KCNQ1: variants seen among roughly 807,000 people sequenced by gnomAD.
The protein encoded by KCNQ1 is potassium voltage-gated channel subfamily KQT member 1.
In KCNQ1, 49 loss-of-function variants were observed where a neutral mutation model predicts 72.4. The observed-to-expected ratio is 0.68, with a 90% CI of 0.54 to 0.86. KCNQ1 has a LOEUF of 0.86. Among genes scored for constraint, KCNQ1 ranks in the 40% least tolerant of loss-of-function variants. KCNQ1 has a pLI of 0.00. For synonymous variants in KCNQ1, 450 were observed against 412.6 expected (o/e 1.09, Z -1.10); for missense variants, 790 against 945.1 (o/e 0.84, Z 2.15).
In KCNQ1 at chr11:2,687,898, G is replaced by A. The variant is rs1442890425; in HGVS notation, c.1514+25817G>A. ...GGGGTGTCCCGCGGAAATCCTGGTGGGATGGAAAATCCCCAGCAGTTGTGA... is the reference window on the plus strand; with the variant it reads ...GGGGTGTCCCGCGGAAATCCTGGTGAGATGGAAAATCCCCAGCAGTTGTGA... On this transcript the variant is annotated intron_variant, in intron 11 of 15. Coordinates refer to ENST00000155840, the MANE Select transcript of KCNQ1 (RefSeq NM_000218.3). The surrounding 1 kb of genome is among the most constrained non-coding windows in gnomAD (Gnocchi z 5.0). 3 of 398,590 alleles carry A rather than the reference G, an allele frequency of 7.5e-6. No individual in the cohort carries two copies. Among genetic ancestry groups the A allele is most frequent in the South Asian group, 1.3e-4 (1 of 7,864 alleles). 24.7% of individuals were successfully genotyped at this position (398,590 alleles called of 1,614,324 possible). A position where few individuals can be genotyped will look rare whatever the true frequency, so the allele number is the denominator to read the frequency against.
chr11:2,581,782 G>A (rs893210402), intron 6 of KCNQ1, among the ~76,000 whole-genome samples: 5 of 152,256 alleles, frequency 3.3e-5, no homozygotes, highest in African/African-American at 9.6e-5. Flanking sequence ...CATGGGGCAC[G>A]CTTGTGAGTG....
rs1035182829 is a variant in KCNQ1 at position 2,526,119 on chromosome 11, G to T, written c.387-1809G>T. On this transcript the variant is annotated intron_variant, in intron 1 of 15. Coordinates refer to ENST00000155840, the MANE Select transcript of KCNQ1 (RefSeq NM_000218.3). This position sits in a 1 kb window ranked among gnomAD's most constrained non-coding sequence, Gnocchi z 6.1. ...CGGGCCCTGAGGTGGGCCGGGCTGG[G>T]CACAGTCAGGACTGGCAACAAGGGC... Among the ~76,000 whole-genome samples, 1 of 152,174 alleles carries T rather than the reference G, an allele frequency of 6.6e-6. No homozygotes were observed. Among genetic ancestry groups the T allele is most frequent in the Non-Finnish European group, 1.5e-5 (1 of 68,028 alleles).
At position 2,784,492 on chromosome 11, in the gene KCNQ1, A is replaced by G. The variant is rs1846878387; in HGVS notation, c.1794+6455A>G. On this transcript the variant is annotated intron_variant, in intron 15 of 15. Coordinates refer to ENST00000155840, the MANE Select transcript of KCNQ1 (RefSeq NM_000218.3). The surrounding 1 kb of genome is among the most constrained non-coding windows in gnomAD (Gnocchi z 4.7). ...TTCTAATTTTGTTCATCTTTTTACA[A>G]ATTGTTTCTGTCTATTCTAAGTCCT... Among the ~76,000 whole-genome samples the G allele has an allele frequency of 6.6e-6, 1 of 151,862 alleles. No homozygotes were observed. The highest frequency in any genetic ancestry group is 6.6e-5 in the Admixed American group (1 of 15,258).
At position 2,793,900 on chromosome 11, in the gene KCNQ1, C is replaced by T. The variant is rs192979313; in HGVS notation, c.1794+15863C>T. Among the ~76,000 whole-genome samples, 224 of 152,268 alleles carry T rather than the reference C, an allele frequency of 1.5e-3. 1 individual carries two copies. In the Middle Eastern group the frequency reaches 0.027, roughly 18 times the overall value. ...CTGTCTGTGTGAAGGAGAAAGTACT[C>T]GGTTTTCCCAGTCAGTGGAGTCAGG... On this transcript the variant is annotated intron_variant, in intron 15 of 15. Transcript: ENST00000155840.
chr11:2,515,289 G>T lies in KCNQ1; in HGVS notation c.387-12639G>T, dbSNP rs1169490109. Among the ~76,000 whole-genome samples the T allele has an allele frequency of 6.6e-6, 1 of 152,182 alleles. No individual in the cohort carries two copies. The highest frequency in any genetic ancestry group is 2.4e-5 in the African/African-American group (1 of 41,438). ...GAGAACGTGCCGTGTTTGGTTTTCT[G>T]TTTCCGGTAGTTCACTTAGGATCAT... is the stretch of plus-strand genomic sequence containing the variant. On this transcript the variant is annotated intron_variant, in intron 1 of 15. Coordinates refer to ENST00000155840, the MANE Select transcript of KCNQ1 (RefSeq NM_000218.3). The surrounding 1 kb of genome is among the most constrained non-coding windows in gnomAD (Gnocchi z 4.7).
intron 1 of KCNQ1, among the ~76,000 whole-genome samples, chr11:2,459,043 GGTT>G (rs1846236750): frequency 6.6e-6 from 1 of 150,554 alleles, no homozygotes; most frequent in Admixed American, 6.6e-5. Flanking sequence ...GAGGCTTTGG[GGTT>G]GTTGGGATGC....
At position 2,495,784 on chromosome 11, in the gene KCNQ1, T is replaced by C. The variant is rs1053005146; in HGVS notation, c.387-32144T>C. ...ATGTGGTCAATTTTAGAATAAGTGC[T>C]ATGTGATGCTGAGAACAATGTACAT... On this transcript the variant is annotated intron_variant, in intron 1 of 15. Transcript: ENST00000155840. The surrounding 1 kb of genome is among the most constrained non-coding windows in gnomAD (Gnocchi z 4.6). Among the ~76,000 whole-genome samples, 5 of 152,204 alleles carry C rather than the reference T, an allele frequency of 3.3e-5. No individual in the cohort carries two copies. The highest frequency in any genetic ancestry group is 4.8e-5 in the African/African-American group (2 of 41,448).
At chr11:2,548,772 G>A (rs1847936381) in intron 2 of KCNQ1, among the ~76,000 whole-genome samples, 1 of 152,198 alleles carries the variant, frequency 6.6e-6, no homozygotes, top group African/African-American at 2.4e-5. Flanking sequence ...GGTGGCCTGG[G>A]GGTGCTTAGG....
At chr11:2,586,277 G>A (rs1427991992) in intron 8 of KCNQ1, among the ~76,000 whole-genome samples, 7 of 152,368 alleles carry the variant, frequency 4.6e-5, no homozygotes, top group African/African-American at 1.7e-4. Flanking sequence ...CCCCAGGCAA[G>A]GCCCAGGCTG....
At chr11:2,487,351 A>G (rs561844414) in intron 1 of KCNQ1, among the ~76,000 whole-genome samples, 1 of 152,282 alleles carries the variant, frequency 6.6e-6, no homozygotes, top group Admixed American at 6.5e-5. Context: ...GCTTTTGGCT[A>G]TTTTAAGTTC....
chr11:2,591,336 T>G (rs1848667552), intron 10 of KCNQ1, among the ~76,000 whole-genome samples: 1 of 152,180 alleles, frequency 6.6e-6, no homozygotes. Flanking sequence ...AGGCTCCCGC[T>G]CCACTGGGCA....
intron 10 of KCNQ1, chr11:2,622,236 T>C (rs1027969345): frequency 2.5e-6 from 1 of 398,394 alleles, no homozygotes; most frequent in Non-Finnish European, 4.4e-6. Context: ...GGCTCTATAT[T>C]TTGGTGTGTA....
chr11:2,834,539 CACAG>C (rs1181008423), intron 15 of KCNQ1, among the ~76,000 whole-genome samples: 2 of 152,188 alleles, frequency 1.3e-5, no homozygotes, highest in African/African-American at 2.4e-5. Context: ...GCTCCCCCAA[CACAG>C]ACAGCACCAG....
In KCNQ1 at chr11:2,715,594, C is replaced by T. The variant is rs1441131995; in HGVS notation, c.1515-53250C>T. Among the ~76,000 whole-genome samples, 1 of 152,134 alleles carries T rather than the reference C, an allele frequency of 6.6e-6. No individual in the cohort carries two copies. The highest frequency in any genetic ancestry group is 1.5e-5 in the Non-Finnish European group (1 of 67,992). ...CTCTTCCACCACCCCTGCTGGGGTC[C>T]CCTGGGACCCATCCTTCCAAGCCCC... On this transcript the variant is annotated intron_variant, in intron 11 of 15. Transcript: ENST00000155840. This position sits in a 1 kb window ranked among gnomAD's most constrained non-coding sequence, Gnocchi z 4.9.
In KCNQ1 at chr11:2,654,297, G is replaced by C; in HGVS notation, c.1394-7664G>C. On this transcript the variant is annotated intron_variant, in intron 10 of 15. Transcript: ENST00000155840. The surrounding 1 kb of genome is among the most constrained non-coding windows in gnomAD (Gnocchi z 6.4). ...GGGCTTTGGTGAATCCACTGAGAGG[G>C]GGAGATTTCTTGAGGGGGCCAGGGA... 1 of 398,812 alleles carries C rather than the reference G, an allele frequency of 2.5e-6. No individual in the cohort carries two copies. The highest frequency in any genetic ancestry group is 4.4e-6 in the Non-Finnish European group (1 of 226,302). 24.7% of individuals were successfully genotyped at this position (398,812 alleles called of 1,614,324 possible). A position where few individuals can be genotyped will look rare whatever the true frequency, so the allele number is the denominator to read the frequency against.
At chr11:2,846,480 T>C (rs1269055116) in intron 15 of KCNQ1, among the ~76,000 whole-genome samples, 7 of 152,208 alleles carry the variant, frequency 4.6e-5, no homozygotes, top group African/African-American at 1.7e-4. Flanking sequence ...GGACCAGCCC[T>C]GTCTCCTGTG....
intron 1 of KCNQ1, among the ~76,000 whole-genome samples, chr11:2,504,956 A>T (rs1193768317): frequency 6.6e-6 from 1 of 151,982 alleles, no homozygotes; most frequent in African/African-American, 2.4e-5. Context: ...ATGGGTATCA[A>T]TTTTTCTGTT....
intron 11 of KCNQ1, among the ~76,000 whole-genome samples, chr11:2,700,413 C>T (rs1295635445): frequency 6.6e-6 from 1 of 152,146 alleles, no homozygotes; most frequent in Non-Finnish European, 1.5e-5. Context: ...GGCCGCACCC[C>T]GACACTGCTG....
At position 2,661,133 on chromosome 11, in the gene KCNQ1, G is replaced by A. The variant is rs953574969; in HGVS notation, c.1394-828G>A. Reference sequence around the variant, plus strand: ...CATCTGCTGCTCGGATGAGCAGAGAGGGTGGGCTAGGGATCTAGTTGGCAG... The same window carrying A: ...CATCTGCTGCTCGGATGAGCAGAGAAGGTGGGCTAGGGATCTAGTTGGCAG... On this transcript the variant is annotated intron_variant, in intron 10 of 15. Transcript: ENST00000155840. The surrounding 1 kb of genome is among the most constrained non-coding windows in gnomAD (Gnocchi z 5.9). The A allele has an allele frequency of 5.0e-6, 2 of 398,626 alleles. No homozygotes were observed. The highest frequency in any genetic ancestry group is 8.8e-6 in the Non-Finnish European group (2 of 226,066). The allele number at this position is 398,626 out of a possible 1,614,324, so 24.7% of individuals were successfully genotyped here. A position where few individuals can be genotyped will look rare whatever the true frequency, so the allele number is the denominator to read the frequency against.
Sources: gnomAD v4.1 joint callset for allele counts (sites outside exome capture counted in the v4.1 genomes callset) on GRCh38, gnomAD v4.1.1 for gene constraint, Gnocchi (gnomAD v3.1) non-coding constraint, MANE v1.5 for transcripts, NCBI Gene and HGNC (gene_info 2026-07-23, HGNC 2026-07-21) for gene names.